The following GFM1 variants were observed in gnomAD, a reference collection of about 807,000 sequenced individuals.
GFM1 encodes G elongation factor mitochondrial 1.
A neutral mutation model predicts 96.2 loss-of-function variants in GFM1; 62 were observed. The observed-to-expected ratio is 0.64, with a 90% CI of 0.53 to 0.80. The LOEUF (loss-of-function observed/expected upper bound fraction) is 0.80, where lower values mean the gene tolerates loss of function less well. GFM1 is among the 30% of genes least tolerant of loss of function. The pLI is 0.00. For synonymous variants in GFM1, 282 were observed against 312.9 expected (o/e 0.90, Z 1.04); for missense variants, 852 against 916.6 (o/e 0.93, Z 0.91).
chr3:158,663,382 A>G (rs544052979), intron 11 of GFM1, among the ~76,000 whole-genome samples: 2 of 152,342 alleles, frequency 1.3e-5, no homozygotes, highest in Non-Finnish European at 2.9e-5. Flanking sequence ...ACTTATTCAT[A>G]CATTGAGTGA....
At chr3:158,686,438 A>G (rs1308972918) in intron 15 of GFM1, among the ~76,000 whole-genome samples, 1 of 149,402 alleles carries the variant, frequency 6.7e-6, no homozygotes, top group Non-Finnish European at 1.5e-5. Context: ...ATCTTTTAGG[A>G]CTTGGATGCA....
rs747149357 is a variant in GFM1 at position 158,665,295 on chromosome 3, A to G, written c.1381-42A>G. On this transcript the variant is annotated intron_variant, in intron 11 of 17. Transcript: ENST00000486715. ...TTTTTCTAAAATCCCATTGCTTATC[A>G]TGCTCAGTAAAACATATAGTGACTT... 1.2e-5 allele frequency: 18 copies of G among 1,506,402 alleles called. No individual in the cohort carries two copies. In the Admixed American group the frequency reaches 2.9e-4, roughly 24 times the overall value. The allele number at this position is 1,506,402 out of a possible 1,614,324, so 93.3% of individuals were successfully genotyped here.
chr3:158,682,105 A>T lies in GFM1; in HGVS notation c.1712A>T (p.Asp571Val). The change falls in exon 14 of 18, where the codon GAT becomes GTT. Residue 571 changes from aspartate to valine, a missense_variant. Physicochemically the swap from Asp to Val is radical, Grantham distance 152. Coordinates refer to ENST00000486715, the MANE Select transcript of GFM1 (RefSeq NM_024996.7). ...GACTACACTAAATTGGAATTTTCAG[A>T]TGAAACATTCGGATCAAATATTCCA... Reference protein sequence around the residue: ...PEDYTKLEFSDETFGSNIPKQ... With the variant: ...PEDYTKLEFSVETFGSNIPKQ... 1 of 1,613,834 alleles carries T rather than the reference A, an allele frequency of 6.2e-7. No individual in the cohort carries two copies. The highest frequency in any genetic ancestry group is 8.5e-7 in the Non-Finnish European group (1 of 1,179,838).
intron 13 of GFM1, chr3:158,669,359 A>G: frequency 6.9e-7 from 1 of 1,440,610 alleles, no homozygotes; most frequent in Non-Finnish European, 9.4e-7. Flanking sequence ...GCAACTAACA[A>G]TTTTAAGCAC....
intron 13 of GFM1, among the ~76,000 whole-genome samples, chr3:158,670,733 A>G (rs1724204639): frequency 6.6e-6 from 1 of 152,188 alleles, no homozygotes; most frequent in Admixed American, 6.5e-5. Context: ...TTGGTAGCTC[A>G]TGCTTGTAAT....
intron 13 of GFM1, among the ~76,000 whole-genome samples, chr3:158,673,829 A>G (rs781760873): frequency 6.6e-6 from 1 of 151,956 alleles, no homozygotes; most frequent in Non-Finnish European, 1.5e-5. Context: ...GTAGTAATGC[A>G]CACACCCAAG....
At chr3:158,679,319 G>A (rs964111185) in intron 13 of GFM1, among the ~76,000 whole-genome samples, 4 of 152,082 alleles carry the variant, frequency 2.6e-5, no homozygotes, top group South Asian at 4.1e-4. Flanking sequence ...GCTTTATTGC[G>A]ATATTAGCTT....
chr3:158,666,886 A>G (rs964656263), intron 13 of GFM1: 12 of 1,464,376 alleles, frequency 8.2e-6, no homozygotes, highest in Non-Finnish European at 1.1e-5. Context: ...TAATATACTT[A>G]AATCTGGTGC....
chr3:158,687,925 T>G (rs116151464), intron 15 of GFM1, among the ~76,000 whole-genome samples: 3,675 of 152,056 alleles, frequency 0.024, 154 homozygotes, highest in African/African-American at 0.085. Context: ...AGCAAGAAAA[T>G]CAACTTTTTT....
Position 158,644,658 on chromosome 3 carries a change from C to T in GFM1, c.24C>T (p.Ala8=). ...CCATGAGACTCCTGGGAGCTGCAGC[C>T]GTCGCGGCTCTGGGGCGCGGAAGGG... is the stretch of plus-strand genomic sequence containing the variant. The part of the protein sequence containing the change: MRLLGAA[A]VAALGRGRAP... The change falls in exon 1 of 18, where the codon GCC becomes GCT. Residue 8 remains alanine (A), a synonymous_variant. Transcript: ENST00000486715. 1 of 1,575,342 alleles carries T rather than the reference C, an allele frequency of 6.3e-7. No individual in the cohort carries two copies. Among genetic ancestry groups the T allele is most frequent in the Non-Finnish European group, 8.6e-7 (1 of 1,161,038 alleles).
intron 14 of GFM1, among the ~76,000 whole-genome samples, chr3:158,683,009 C>T (rs924237530): frequency 8.9e-4 from 131 of 146,670 alleles, no homozygotes; most frequent in Non-Finnish European, 1.6e-3. Flanking sequence ...CCAGCCTGGG[C>T]GACAGTAAGA....
intron 6 of GFM1, 37 bp from the exon 7 acceptor site, chr3:158,653,273 T>A: frequency 6.4e-7 from 1 of 1,557,548 alleles, no homozygotes; most frequent in Non-Finnish European, 8.8e-7. Context: ...ACATGTAATT[T>A]TAACATTAAC....
At chr3:158,659,412 TTAAAGA>T (rs1576745953) in intron 9 of GFM1, among the ~76,000 whole-genome samples, 1 of 152,226 alleles carries the variant, frequency 6.6e-6, no homozygotes, top group Admixed American at 6.5e-5. Context: ...ACTGTGATTC[TTAAAGA>T]TAAGAGAATA....
In GFM1 at chr3:158,666,319, T is replaced by C; in HGVS notation, c.1534T>C (p.Tyr512His). The change falls in exon 13 of 18, where the codon TAT becomes CAT. Residue 512 changes from tyrosine (Y) to histidine (H), a missense_variant. Coordinates refer to ENST00000486715, the MANE Select transcript of GFM1 (RefSeq NM_024996.7). ...EIYAQRLERE[Y>H]GCPCITGKPK... ...CTCTTTTTAGAGGCTGGAAAGAGAG[T>C]ATGGCTGTCCTTGTATCACAGGAAA... 1 of 1,613,050 alleles carries C rather than the reference T, an allele frequency of 6.2e-7. No homozygotes were observed. The highest frequency in any genetic ancestry group is 8.5e-7 in the Non-Finnish European group (1 of 1,179,370).
At chr3:158,662,570 C>T in intron 10 of GFM1, 58 bp from the exon 11 acceptor site, 1 of 958,780 alleles carries the variant, frequency 1.0e-6, no homozygotes, top group South Asian at 1.3e-5. Flanking sequence ...TTAATCTATC[C>T]CTGACCCATA....
chr3:158,688,285 C>G (rs577171855), intron 15 of GFM1, among the ~76,000 whole-genome samples: 1 of 152,078 alleles, frequency 6.6e-6, no homozygotes, highest in African/African-American at 2.4e-5. Context: ...AAATGGCAGG[C>G]GAGTTGGCTT....
At chr3:158,690,591 A>G (rs1168368233) in intron 16 of GFM1, 3 of 432,468 alleles carry the variant, frequency 6.9e-6, no homozygotes, top group African/African-American at 6.1e-5. Flanking sequence ...CAAATTAAAA[A>G]GAAAAGGAAA....
intron 16 of GFM1, chr3:158,690,537 C>T: frequency 1.8e-6 from 1 of 559,314 alleles, no homozygotes; most frequent in East Asian, 3.1e-5. Flanking sequence ...GTGTCATTTT[C>T]TTAGATGTAT....
chr3:158,650,418 CAGA>C (rs896202499), intron 5 of GFM1: 8 of 242,960 alleles, frequency 3.3e-5, no homozygotes. Context: ...TTTCTGTTGT[CAGA>C]AGTAGAGACT....
Sources: allele counts gnomAD v4.1 joint callset (sites outside exome capture counted in the v4.1 genomes callset), GRCh38; gene constraint gnomAD v4.1.1; transcripts MANE v1.5; gene names NCBI Gene and HGNC (gene_info 2026-07-23, HGNC 2026-07-21).